The following PDCD2L variants were observed in gnomAD, a reference collection of about 807,000 sequenced individuals.
The protein encoded by PDCD2L is uS5 assembly chaperone PDCD2L.
In PDCD2L, 44 loss-of-function variants were observed where a neutral mutation model predicts 40.4. The observed-to-expected ratio is 1.09, with a 90% CI of 0.86 to 1.40. The LOEUF (loss-of-function observed/expected upper bound fraction) is 1.40. PDCD2L is among the 40% of genes most tolerant of loss of function. PDCD2L has a pLI of 0.00. For synonymous variants in PDCD2L, 194 were observed against 174.6 expected, an observed-to-expected ratio of 1.11 and a Z score of -0.88; for missense variants, 470 against 453.7, an observed-to-expected ratio of 1.04 and a Z score of -0.33.
At chr19:34,411,931 A>C (rs1040346636) in intron 4 of PDCD2L, among the ~76,000 whole-genome samples, 4 of 147,998 alleles carry the variant, frequency 2.7e-5, no homozygotes, top group African/African-American at 9.8e-5. Flanking sequence ...CTGGGATTGC[A>C]GGCGTGAGCC....
Position 34,409,170 on chromosome 19 carries a change from A to G in PDCD2L, c.346A>G (p.Asn116Asp), listed in dbSNP as rs2075090347. The change falls in exon 4 of 7, where the codon AAC (asparagine) becomes GAC (aspartate). Residue 116 changes from asparagine to aspartate, a missense_variant. By Grantham distance (23) the Asn-to-Asp change is conservative. Coordinates refer to ENST00000246535, the MANE Select transcript of PDCD2L (RefSeq NM_032346.2). ...CTGAGTATTTTTCCAGAAACAGGGA[A>G]ACAGCCTTGCAGCTGAGGACTGGTG... Reference protein sequence around the residue: ...REAQDAQKQGNSLAAEDWCEG... With the variant: ...REAQDAQKQGDSLAAEDWCEG... 1.9e-6 allele frequency: 3 copies of G among 1,608,598 alleles called. No individual in the cohort carries two copies. In the South Asian group the frequency reaches 3.3e-5, roughly 18 times the overall value.
chr19:34,414,262 A>G (rs1037999901), intron 5 of PDCD2L, among the ~76,000 whole-genome samples: 2 of 149,768 alleles, frequency 1.3e-5, no homozygotes, highest in African/African-American at 4.9e-5. Flanking sequence ...TGCAACCTCC[A>G]CCTCTTGGGT....
intron 5 of PDCD2L, among the ~76,000 whole-genome samples, chr19:34,419,786 T>TTTTTTTC (rs1305472946): frequency 2.3e-5 from 3 of 130,218 alleles, no homozygotes; most frequent in African/African-American, 8.2e-5. Flanking sequence ...TTTTTTTTTT[T>TTTTTTTC]TTTTTTTTAA....
chr19:34,413,684 C>T, intron 4 of PDCD2L, 53 bp from the exon 5 acceptor site: 3 of 1,071,568 alleles, frequency 2.8e-6, no homozygotes, highest in African/African-American at 1.6e-5. Flanking sequence ...CTTGCAAATG[C>T]TGTAATTTTC....
At chr19:34,413,393 T>C (rs2075113111) in intron 4 of PDCD2L, among the ~76,000 whole-genome samples, 1 of 144,922 alleles carries the variant, frequency 6.9e-6, no homozygotes, top group Non-Finnish European at 1.5e-5. Context: ...TGTAGTGGCA[T>C]GGCACGATCT....
intron 4 of PDCD2L, among the ~76,000 whole-genome samples, chr19:34,412,871 C>T (rs1208490483): frequency 1.3e-5 from 2 of 151,542 alleles, no homozygotes; most frequent in Non-Finnish European, 1.5e-5. Flanking sequence ...CTGGAATAGC[C>T]GGGACCACAG....
At chr19:34,412,136 T>C (rs975027797) in intron 4 of PDCD2L, among the ~76,000 whole-genome samples, 1 of 151,334 alleles carries the variant, frequency 6.6e-6, no homozygotes, top group African/African-American at 2.4e-5. Context: ...TCTCCTCCCT[T>C]AGCCTCCTGA....
At chr19:34,415,968 T>C (rs949892337) in intron 5 of PDCD2L, among the ~76,000 whole-genome samples, 10 of 152,230 alleles carry the variant, frequency 6.6e-5, no homozygotes, top group African/African-American at 9.6e-5. Flanking sequence ...TCCCCCAGGC[T>C]GGAGAGCAAT....
intron 4 of PDCD2L, among the ~76,000 whole-genome samples, chr19:34,411,808 C>T (rs2075104558): frequency 6.6e-6 from 1 of 151,668 alleles, no homozygotes; most frequent in Non-Finnish European, 1.5e-5. Flanking sequence ...GTACCCGCCA[C>T]CACACCCGGT....
At chr19:34,407,235 A>G (rs575865258) in intron 3 of PDCD2L, among the ~76,000 whole-genome samples, 1 of 150,328 alleles carries the variant, frequency 6.7e-6, no homozygotes, top group African/African-American at 2.5e-5. Context: ...TCCGCCTCCC[A>G]GGTTCGAGCA....
chr19:34,419,263 C>CGATT (rs1264639980), intron 5 of PDCD2L, among the ~76,000 whole-genome samples: 4 of 151,732 alleles, frequency 2.6e-5, no homozygotes, highest in African/African-American at 9.7e-5. Flanking sequence ...CCAGGTTCAA[C>CGATT]GATTCTCCTG....
At chr19:34,423,491 CTTTTTTT>C (rs547306985) in intron 6 of PDCD2L, among the ~76,000 whole-genome samples, 13 of 113,084 alleles carry the variant, frequency 1.1e-4, no homozygotes, top group African/African-American at 1.6e-4. Context: ...GACCCAGTAT[CTTTTTTT>C]TTTTTTTTTT....
chr19:34,424,312 G>C (rs570862164), intron 6 of PDCD2L, among the ~76,000 whole-genome samples: 12 of 152,198 alleles, frequency 7.9e-5, no homozygotes, highest in East Asian at 7.7e-4. Flanking sequence ...TAGCAGCGGT[G>C]AATCTGTAGG....
At chr19:34,423,533 C>T (rs1393790506) in intron 6 of PDCD2L, among the ~76,000 whole-genome samples, 2 of 128,666 alleles carry the variant, frequency 1.6e-5, no homozygotes, top group Admixed American at 9.3e-5. Flanking sequence ...CTCACTCTGT[C>T]GCCCAGCCTG....
intron 5 of PDCD2L, among the ~76,000 whole-genome samples, chr19:34,414,404 T>C (rs753547130): frequency 4.1e-4 from 60 of 148,138 alleles, no homozygotes; most frequent in African/African-American, 1.4e-3. Flanking sequence ...CTCGAACTGC[T>C]GGCCTCACGT....
chr19:34,426,129 C>T lies in PDCD2L; in HGVS notation c.*9C>T. The T allele has an allele frequency of 6.6e-7, 1 of 1,520,124 alleles. No homozygotes were observed. The highest frequency in any genetic ancestry group is 2.3e-5 in the East Asian group (1 of 44,286). The allele number at this position is 1,520,124 out of a possible 1,614,324, so 94.2% of individuals were successfully genotyped here. On this transcript the variant is annotated 3_prime_UTR_variant, in exon 7 of 7. Coordinates refer to ENST00000246535, the MANE Select transcript of PDCD2L (RefSeq NM_032346.2). ...AATTATTGTTTAAGTAGAGCATTTC[C>T]TTTTATTAATATAAATTAAAACAAA...
Position 34,421,637 on chromosome 19 carries a change from C to T in PDCD2L, c.916C>T (p.Leu306=). 6.2e-7 allele frequency: 1 copy of T among 1,614,166 alleles called. No homozygotes were observed. The highest frequency in any genetic ancestry group is 1.1e-5 in the South Asian group (1 of 91,086). Residue 306 remains leucine (L), a synonymous_variant, in exon 6 of 7, where the codon CTG becomes TTG. Transcript: ENST00000246535. ...ATTTGAGTTTCAGCTTATGCCAGCA[C>T]TGGTCAGCATGCTCAAGAGTGCTAA... The part of the protein sequence containing the change: ...RIFEFQLMPA[L]VSMLKSANLG...
intron 5 of PDCD2L, among the ~76,000 whole-genome samples, chr19:34,418,105 A>C (rs1033316501): frequency 2.0e-5 from 3 of 152,214 alleles, no homozygotes; most frequent in Admixed American, 2.0e-4. Flanking sequence ...GTGTCTGTTT[A>C]CATTTATTTT....
At position 34,404,678 on chromosome 19, in the gene PDCD2L, G is replaced by A; in HGVS notation, c.138G>A (p.Arg46=). The A allele has an allele frequency of 6.2e-7, 1 of 1,611,940 alleles. No homozygotes were observed. The highest frequency in any genetic ancestry group is 8.5e-7 in the Non-Finnish European group (1 of 1,179,798). ...PDALPTVAAP[R]PVCQRCGQPL... ...CTCTGCCCACCGTGGCTGCGCCCAG[G>A]CCCGTGTGTCAGCGCTGCGGGCAGC... The change falls in exon 2 of 7, where the codon AGG becomes AGA. Residue 46 remains arginine, a synonymous_variant. Transcript: ENST00000246535.
Sources: allele counts gnomAD v4.1 joint callset (sites outside exome capture counted in the v4.1 genomes callset), GRCh38; gene constraint gnomAD v4.1.1; transcripts MANE v1.5; gene names NCBI Gene and HGNC (gene_info 2026-07-23, HGNC 2026-07-21).